TGS1: variants seen among roughly 807,000 people sequenced by gnomAD.
TGS1 encodes trimethylguanosine synthase.
A neutral mutation model predicts 92.2 loss-of-function variants in TGS1; 69 were observed. That is an observed-to-expected ratio of 0.75 (90% CI 0.62 to 0.91). The LOEUF (loss-of-function observed/expected upper bound fraction) is 0.91, where lower values mean the gene tolerates loss of function less well. TGS1 is among the 40% of genes least tolerant of loss of function. The probability of loss-of-function intolerance (pLI) is 0.00; values close to 1 mark genes in which losing one functional copy is unlikely to be tolerated. For missense variants in TGS1, 1,062 were observed against 1,001.2 expected (o/e 1.06, Z -0.82); for synonymous variants, 345 against 338.1 (o/e 1.02, Z -0.22).
At chr8:55,813,225 C>T in intron 12 of TGS1, 107 bp downstream of exon 12, 3 of 713,412 alleles carry the variant, frequency 4.2e-6, no homozygotes, top group Non-Finnish European at 7.0e-6. Context: ...TGAGAAGTCC[C>T]TGACTCACTG....
intron 5 of TGS1, among the ~76,000 whole-genome samples, chr8:55,791,982 T>C (rs1811900178): frequency 6.6e-6 from 1 of 152,204 alleles, no homozygotes; most frequent in African/African-American, 2.4e-5. Context: ...ACACTTGTAC[T>C]CCATATAGCT....
chr8:55,797,958 A>T (rs1367172194), intron 7 of TGS1, among the ~76,000 whole-genome samples: 1 of 152,160 alleles, frequency 6.6e-6, no homozygotes, highest in African/African-American at 2.4e-5. Flanking sequence ...GCTGCTGGTG[A>T]TGTTTTAATA....
At chr8:55,803,704 A>AT (rs1812285599) in intron 9 of TGS1, among the ~76,000 whole-genome samples, 2 of 99,820 alleles carry the variant, frequency 2.0e-5, no homozygotes, top group African/African-American at 7.5e-5. Context: ...TTTTTTTTTT[A>AT]TTTTTTTTAG....
intron 11 of TGS1, among the ~76,000 whole-genome samples, chr8:55,811,489 C>G (rs889239286): frequency 7.0e-6 from 1 of 142,040 alleles, no homozygotes; most frequent in East Asian, 2.2e-4. Flanking sequence ...TGGCCAGGCA[C>G]GGTGGCTCAC....
At position 55,825,694 on chromosome 8, in the gene TGS1, TA is replaced by T. The variant is rs1330606144; in HGVS notation, c.*992del. On this transcript the variant is annotated 3_prime_UTR_variant, in exon 13 of 13. Transcript: ENST00000260129. ...AAAATTAGACTAGAAAAATAGCTGT[TA>T]TATAAATAACTTTGTTGGAATATGC... 6.6e-6 allele frequency among the ~76,000 whole-genome samples: 1 copy of T among 152,180 alleles called. No individual in the cohort carries two copies. The highest frequency in any genetic ancestry group is 1.5e-5 in the Non-Finnish European group (1 of 68,030).
rs140435093 is a variant in TGS1 at position 55,805,009 on chromosome 8, A to G, written c.2116A>G (p.Ile706Val). ...ATTCTGTGGAGTTGGAGGAAATACC[A>G]TTCAGTTTGCCTTAACAGGAATGAG... ...DAFCGVGGNT[I>V]QFALTGMRVI... is the part of the protein sequence containing the mutation. Residue 706 changes from isoleucine to valine, a missense_variant, in exon 10 of 13, where the codon ATT becomes GTT. Ile to Val is a conservative substitution (Grantham distance 29, BLOSUM62 3). Coordinates refer to ENST00000260129, the MANE Select transcript of TGS1 (RefSeq NM_024831.8). 8.6e-5 allele frequency: 139 copies of G among 1,613,974 alleles called. No individual in the cohort carries two copies. In the African/African-American group the frequency reaches 1.7e-3, roughly 20 times the overall value.
At chr8:55,795,918 C>A in intron 6 of TGS1, 60 bp from the exon 7 acceptor site, 2 of 1,295,060 alleles carry the variant, frequency 1.5e-6, no homozygotes, top group East Asian at 2.4e-5. Flanking sequence ...TCCTCTTTTC[C>A]TATAAGGAAA....
rs1054286854 is a variant in TGS1 at position 55,773,778 on chromosome 8, T to C, written c.101+59T>C. The C allele has an allele frequency of 1.2e-5, 16 of 1,374,648 alleles. No individual in the cohort carries two copies. The African/African-American group carries it at 2.3e-4, about 20-fold the overall frequency. The allele number at this position is 1,374,648 out of a possible 1,614,324, so 85.2% of individuals were successfully genotyped here. A position where few individuals can be genotyped will look rare whatever the true frequency, so the allele number is the denominator to read the frequency against. ...CACAGTCATTACCCAGAAATGTAGG[T>C]ATTGCAAACGTGGTTGTAATTGATC... On this transcript the variant is annotated intron_variant, in intron 1 of 12. Coordinates refer to ENST00000260129, the MANE Select transcript of TGS1 (RefSeq NM_024831.8).
Position 55,786,333 on chromosome 8 carries a change from A to G in TGS1, c.435A>G (p.Glu145=). ...TTGTGCAAGAATCTTGGAGAAAAGA[A>G]TATGAAGAAGACGACATTTTGGCTT... is the stretch of plus-strand genomic sequence containing the variant. ...DEIVQESWRK[E]YEEDDILASD... The change falls in exon 4 of 13, where the codon GAA becomes GAG. Residue 145 remains glutamate, a synonymous_variant. Transcript: ENST00000260129. 6.2e-7 allele frequency: 1 copy of G among 1,609,446 alleles called. No individual in the cohort carries two copies. The highest frequency in any genetic ancestry group is 1.7e-5 in the Admixed American group (1 of 59,706).
chr8:55,820,974 T>C (rs1235257725), intron 12 of TGS1, among the ~76,000 whole-genome samples: 6 of 152,252 alleles, frequency 3.9e-5, no homozygotes, highest in Non-Finnish European at 5.9e-5. Context: ...ATGGCATTCA[T>C]TAAATTTGCC....
In TGS1 at chr8:55,786,247, A is replaced by G; in HGVS notation, c.349A>G (p.Asn117Asp). 1 of 1,376,000 alleles carries G rather than the reference A, an allele frequency of 7.3e-7. No individual in the cohort carries two copies. 85.2% of individuals were successfully genotyped at this position (1,376,000 alleles called of 1,614,324 possible). ...TAHKDFEVSM[N>D]TRNKVKIKKK... The stretch of plus-strand genomic sequence containing the variant: ...TATTTATCTGATATAGGTATCTATG[A>G]ATACTAGAAATAAAGTTAAAATAAA... Residue 117 changes from asparagine to aspartate, a missense_variant, in exon 4 of 13, where the codon AAT becomes GAT. By Grantham distance (23) the Asn-to-Asp change is conservative (BLOSUM62 1). Transcript: ENST00000260129.
At chr8:55,815,270 A>G (rs1230422231) in intron 12 of TGS1, among the ~76,000 whole-genome samples, 1 of 152,186 alleles carries the variant, frequency 6.6e-6, no homozygotes, top group Non-Finnish European at 1.5e-5. Context: ...AGAGGGAGTA[A>G]TGACACTAGG....
At chr8:55,796,250 C>G in intron 7 of TGS1, 98 bp downstream of exon 7, 3 of 922,620 alleles carry the variant, frequency 3.3e-6, no homozygotes, top group Non-Finnish European at 1.6e-6. Flanking sequence ...TTGTTTCTAC[C>G]AGGTATCAAG....
chr8:55,817,110 G>A (rs1168981539), intron 12 of TGS1, among the ~76,000 whole-genome samples: 6 of 152,238 alleles, frequency 3.9e-5, no homozygotes, highest in African/African-American at 1.4e-4. Flanking sequence ...TGATCTGCCC[G>A]CCTTGGCCTC....
intron 12 of TGS1, among the ~76,000 whole-genome samples, chr8:55,814,006 G>A (rs939900829): frequency 2.6e-5 from 4 of 152,090 alleles, no homozygotes; most frequent in African/African-American, 9.7e-5. Context: ...GGAGTGCAAT[G>A]GCCCAAACAC....
intron 4 of TGS1, among the ~76,000 whole-genome samples, chr8:55,788,622 A>C (rs1246052900): frequency 6.6e-6 from 1 of 151,494 alleles, no homozygotes; most frequent in Non-Finnish European, 1.5e-5. Context: ...CATACAGTTA[A>C]TTTTTTTATT....
intron 10 of TGS1, among the ~76,000 whole-genome samples, chr8:55,805,858 G>C (rs1313077526): frequency 3.4e-5 from 5 of 149,094 alleles, no homozygotes; most frequent in Non-Finnish European, 7.4e-5. Context: ...CTCCAGCCTG[G>C]GCAACAGAGT....
At chr8:55,798,774 A>T in intron 7 of TGS1, 140 bp from the exon 8 acceptor site, 1 of 650,638 alleles carries the variant, frequency 1.5e-6, no homozygotes, top group Non-Finnish European at 2.6e-6. Context: ...ACTTACTATT[A>T]AGCTTGTGTG....
intron 12 of TGS1, among the ~76,000 whole-genome samples, chr8:55,818,754 A>G (rs1803550542): frequency 6.6e-6 from 1 of 152,230 alleles, no homozygotes; most frequent in East Asian, 1.9e-4. Flanking sequence ...TTCTCCGTAA[A>G]TGATGGAGAT....
Sources: gnomAD v4.1 joint callset for allele counts (sites outside exome capture counted in the v4.1 genomes callset) on GRCh38, gnomAD v4.1.1 for gene constraint, MANE v1.5 for transcripts, NCBI Gene and HGNC (gene_info 2026-07-23, HGNC 2026-07-21) for gene names.